The following PTPRK variants were observed in gnomAD, a reference collection of about 807,000 sequenced individuals.
PTPRK encodes the protein receptor-type tyrosine-protein phosphatase kappa.
Under a neutral mutation model 178.0 loss-of-function variants are expected in PTPRK, and 75 were observed. The ratio of observed to expected loss-of-function variants is 0.42; its 90% CI spans 0.35 to 0.51. PTPRK has a LOEUF of 0.51. PTPRK is among the 20% of genes least tolerant of loss of function. The pLI is 0.02. For synonymous variants in PTPRK, 637 were observed against 620.6 expected (o/e 1.03, Z -0.39); for missense variants, 1,441 against 1,797.8 (o/e 0.80, Z 3.59).
At chr6:128,404,741 G>T (rs1841456853) in intron 1 of PTPRK, among the ~76,000 whole-genome samples, 1 of 152,166 alleles carries the variant, frequency 6.6e-6, no homozygotes, top group African/African-American at 2.4e-5. Context: ...TGATTTCACA[G>T]ATGAAAAGAG....
At chr6:128,336,562 A>G (rs1215717405) in intron 2 of PTPRK, among the ~76,000 whole-genome samples, 1 of 152,168 alleles carries the variant, frequency 6.6e-6, no homozygotes, top group Non-Finnish European at 1.5e-5. Context: ...CTATTGTGAT[A>G]TACTTTCAGG....
At chr6:128,119,544 A>G (rs1031184951) in intron 7 of PTPRK, among the ~76,000 whole-genome samples, 1 of 152,102 alleles carries the variant, frequency 6.6e-6, no homozygotes, top group African/African-American at 2.4e-5. Flanking sequence ...AGTGCTGCTG[A>G]CTTTGCCAGT....
chr6:128,218,773 C>G (rs1414793188), intron 6 of PTPRK, 149 bp downstream of exon 6: 1 of 766,182 alleles, frequency 1.3e-6, no homozygotes, highest in Non-Finnish European at 2.0e-6. Context: ...CACCTTCACA[C>G]ATTCTGAGAA....
chr6:128,092,245 T>A (rs981339330), intron 7 of PTPRK, among the ~76,000 whole-genome samples: 2 of 152,156 alleles, frequency 1.3e-5, no homozygotes, highest in South Asian at 2.1e-4. Flanking sequence ...GACATTTTTT[T>A]CCACAGTTTG....
At chr6:128,505,357 C>T (rs1023765154) in intron 1 of PTPRK, among the ~76,000 whole-genome samples, 7 of 151,402 alleles carry the variant, frequency 4.6e-5, no homozygotes, top group African/African-American at 1.7e-4. Flanking sequence ...AGGAGAATCG[C>T]TTGAACCTGG....
chr6:128,148,283 T>C (rs983115778), intron 7 of PTPRK, among the ~76,000 whole-genome samples: 9 of 152,118 alleles, frequency 5.9e-5, no homozygotes, highest in Admixed American at 1.3e-4. Context: ...AGATGCTGCC[T>C]AAAAATAAAA....
chr6:127,992,404 G>T (rs193193338), intron 19 of PTPRK, among the ~76,000 whole-genome samples: 167 of 151,752 alleles, frequency 1.1e-3, no homozygotes, highest in East Asian at 3.7e-3. Flanking sequence ...ATTGACTAGT[G>T]CTCTGACCTA....
At chr6:128,260,316 G>T (rs541604402) in intron 3 of PTPRK, among the ~76,000 whole-genome samples, 1 of 152,036 alleles carries the variant, frequency 6.6e-6, no homozygotes, top group Non-Finnish European at 1.5e-5. Flanking sequence ...AGTGGTTTGT[G>T]GGAGACCAAG....
chr6:127,995,412 C>A, intron 18 of PTPRK, 50 bp downstream of exon 18: 1 of 1,480,982 alleles, frequency 6.8e-7, no homozygotes, highest in South Asian at 1.2e-5. Context: ...CAAAAAGGTT[C>A]ATATATATAA....
At chr6:128,105,815 T>A (rs1333150868) in intron 7 of PTPRK, among the ~76,000 whole-genome samples, 1 of 152,224 alleles carries the variant, frequency 6.6e-6, no homozygotes, top group Non-Finnish European at 1.5e-5. Context: ...TTTTACAGCC[T>A]GCGTCATTAC....
chr6:128,247,855 A>C (rs1431740045), intron 3 of PTPRK, among the ~76,000 whole-genome samples: 1 of 152,152 alleles, frequency 6.6e-6, no homozygotes, highest in Non-Finnish European at 1.5e-5. Context: ...TTCTCCCTCC[A>C]CTAAAAACCT....
At chr6:128,398,381 T>C (rs779702359) in intron 1 of PTPRK, among the ~76,000 whole-genome samples, 1 of 152,184 alleles carries the variant, frequency 6.6e-6, no homozygotes, top group South Asian at 2.1e-4. Context: ...CCTGGAAAGT[T>C]GGGGTTTTCC....
chr6:128,488,558 G>A (rs1414806769), intron 1 of PTPRK, among the ~76,000 whole-genome samples: 5 of 152,126 alleles, frequency 3.3e-5, no homozygotes, highest in Admixed American at 1.3e-4. Flanking sequence ...TAGAATACGC[G>A]ATTTCTAACA....
chr6:128,246,118 T>C (rs1815412812), intron 3 of PTPRK, among the ~76,000 whole-genome samples: 1 of 152,202 alleles, frequency 6.6e-6, no homozygotes, highest in African/African-American at 2.4e-5. Flanking sequence ...AAGTTTTATT[T>C]GCTTGTTTGT....
chr6:128,104,561 T>A (rs1441124829), intron 7 of PTPRK, among the ~76,000 whole-genome samples: 1 of 152,218 alleles, frequency 6.6e-6, no homozygotes, highest in Non-Finnish European at 1.5e-5. Context: ...TGGTACGTAA[T>A]CATTGCTCAA....
chr6:128,026,811 A>G (rs932154885), intron 13 of PTPRK, among the ~76,000 whole-genome samples: 4 of 152,062 alleles, frequency 2.6e-5, no homozygotes, highest in African/African-American at 9.7e-5. Flanking sequence ...TGGTTGACCC[A>G]ACACTCCAAC....
At chr6:127,986,538 A>G (rs1390357197) in intron 21 of PTPRK, among the ~76,000 whole-genome samples, 1 of 152,232 alleles carries the variant, frequency 6.6e-6, no homozygotes, top group Non-Finnish European at 1.5e-5. Context: ...GGGTTAATTT[A>G]AGAGAACCCT....
At chr6:128,441,688 G>A (rs537091766) in intron 1 of PTPRK, among the ~76,000 whole-genome samples, 62 of 152,230 alleles carry the variant, frequency 4.1e-4, no homozygotes, top group African/African-American at 1.4e-3. Flanking sequence ...CGCAAACAAG[G>A]ATTCACAAGA....
intron 3 of PTPRK, among the ~76,000 whole-genome samples, chr6:128,274,235 C>A (rs978615676): frequency 6.6e-6 from 1 of 152,078 alleles, no homozygotes; most frequent in Non-Finnish European, 1.5e-5. Context: ...TTTGTTGTTA[C>A]TGCCTTAAAT....
Sources: gnomAD v4.1 joint callset for allele counts (sites outside exome capture counted in the v4.1 genomes callset) on GRCh38, gnomAD v4.1.1 for gene constraint, MANE v1.5 for transcripts, NCBI Gene and HGNC (gene_info 2026-07-23, HGNC 2026-07-21) for gene names.